The following LMNTD2 variants were observed in gnomAD, a reference collection of about 807,000 sequenced individuals.
The protein encoded by LMNTD2 is lamin tail domain containing 2.
LMNTD2 carries 83 observed loss-of-function variants against 70.1 expected under a neutral mutation model. The observed-to-expected ratio is 1.18, with a 90% confidence interval of 0.99 to 1.42. LMNTD2 has a LOEUF of 1.42. LMNTD2 is among the 40% of genes most tolerant of loss of function. The pLI, the probability that LMNTD2 is intolerant of heterozygous loss-of-function variation, is 0.00. For synonymous variants in LMNTD2, 534 were observed against 406.1 expected, an observed-to-expected ratio of 1.31 and a Z score of -3.79; for missense variants, 1,153 against 905.9, an observed-to-expected ratio of 1.27 and a Z score of -3.50.
chr11:555,929 A>G lies in LMNTD2; in HGVS notation c.1379T>C (p.Val460Ala), dbSNP rs756442734. 1 of 1,558,552 alleles carries G rather than the reference A, an allele frequency of 6.4e-7. No homozygotes were observed. The highest frequency in any genetic ancestry group is 1.4e-5 in the African/African-American group (1 of 70,104). ...ATLLLSPKGEVLSEHRIPRRE... is the reference protein window; with the variant it reads ...ATLLLSPKGEALSEHRIPRRE... Reference sequence around the variant, plus strand: ...GCGTGGGATCCGGTGCTCACTGAGGACCTGCGGGGCGCGTCGGTCACCCCC... The same window carrying G: ...GCGTGGGATCCGGTGCTCACTGAGGGCCTGCGGGGCGCGTCGGTCACCCCC... Residue 460 changes from valine (V) to alanine (A), a missense_variant and splice_region_variant, in exon 12 of 14, where the codon GTC (valine) becomes GCC (alanine). By Grantham distance (64) the Val-to-Ala change is moderately conservative (BLOSUM62 0). Transcript: ENST00000329451.
intron 1 of LMNTD2, 86 bp downstream of exon 1, chr11:560,597 C>G: frequency 7.7e-7 from 1 of 1,297,246 alleles, no homozygotes; most frequent in Non-Finnish European, 9.9e-7. Flanking sequence ...TGCGGGATCT[C>G]AAGCCAGAGA....
chr11:560,221 A>G, intron 1 of LMNTD2: 1 of 816,268 alleles, frequency 1.2e-6, no homozygotes, highest in Non-Finnish European at 1.5e-6. Flanking sequence ...TGGGCAGAAC[A>G]ATCAATGGCC....
chr11:554,979 C>G lies in LMNTD2; in HGVS notation c.*1G>C. 1 of 1,574,134 alleles carries G rather than the reference C, an allele frequency of 6.4e-7. No homozygotes were observed. The highest frequency in any genetic ancestry group is 8.6e-7 in the Non-Finnish European group (1 of 1,163,964). On this transcript the variant is annotated 3_prime_UTR_variant, in exon 14 of 14. Coordinates refer to ENST00000329451, the MANE Select transcript of LMNTD2 (RefSeq NM_173573.3). Reference sequence around the variant, plus strand: ...GCGGTCCCGGCCCCACTCCTCCGCCCCTAGGCGCCGCGGCAGGTGTCCGCG... The same window carrying G: ...GCGGTCCCGGCCCCACTCCTCCGCCGCTAGGCGCCGCGGCAGGTGTCCGCG...
chr11:554,981 T>C lies in LMNTD2; in HGVS notation c.1904A>G (p.Ter635TrpextTer29), dbSNP rs1363720035. 6.3e-7 allele frequency: 1 copy of C among 1,575,012 alleles called. No homozygotes were observed. Residue 635 changes from the stop codon to tryptophan (W), a stop_lost, in exon 14 of 14, where the codon TAG becomes TGG. Coordinates refer to ENST00000329451, the MANE Select transcript of LMNTD2 (RefSeq NM_173573.3). ...GGTCCCGGCCCCACTCCTCCGCCCC[T>C]AGGCGCCGCGGCAGGTGTCCGCGGT... ...PVTADTCRGA[*>W] is the part of the protein sequence containing the mutation.
At position 558,529 on chromosome 11, in the gene LMNTD2, CGGTTGG is replaced by C. The variant is rs980736403; in HGVS notation, c.311+79_311+84del. On this transcript the variant is annotated intron_variant, in intron 3 of 13. Coordinates refer to ENST00000329451, the MANE Select transcript of LMNTD2 (RefSeq NM_173573.3). ...GGATGAGGGTAAGGATCTGCCTCAG[CGGTTGG>C]GGTTGGGGTCAGACAGAAACCAGGA... The C allele has an allele frequency of 1.0e-5, 15 of 1,457,090 alleles. No homozygotes were observed. The African/African-American group carries it at 2.0e-4, about 20-fold the overall frequency. 90.3% of individuals were successfully genotyped at this position (1,457,090 alleles called of 1,614,324 possible).
rs751245029 is a variant in LMNTD2 at position 555,540 on chromosome 11, C to A, written c.1575-37G>T. The A allele has an allele frequency of 3.0e-6, 4 of 1,327,306 alleles. No homozygotes were observed. The African/African-American group carries it at 6.2e-5, about 20-fold the overall frequency. 82.2% of individuals were successfully genotyped at this position (1,327,306 alleles called of 1,614,324 possible). A position where few individuals can be genotyped will look rare whatever the true frequency, so the allele number is the denominator to read the frequency against. On this transcript the variant is annotated intron_variant, in intron 12 of 13. Transcript: ENST00000329451. ...AGGGTCGTGAGGGCGGCGGCCGGCC[C>A]GGGAAAGGCGGCCCTAGAGGGCTCC...
chr11:555,175 A>AGGGGCGGGGC, intron 13 of LMNTD2, 64 bp from the exon 14 acceptor site: 1 of 295,148 alleles, frequency 3.4e-6, no homozygotes, highest in Non-Finnish European at 5.1e-6. Context: ...AGGGGAGGGG[A>AGGGGCGGGGC]GGAGAGGGGA....
chr11:558,616 C>T lies in LMNTD2; in HGVS notation c.309G>A (p.Lys103=), dbSNP rs1238924298. The T allele has an allele frequency of 1.2e-6, 2 of 1,605,148 alleles. No individual in the cohort carries two copies. Among genetic ancestry groups the T allele is most frequent in the African/African-American group, 1.3e-5 (1 of 74,794 alleles). Residue 103 remains lysine, a splice_region_variant and synonymous_variant, in exon 3 of 14, where the codon AAG becomes AAA. Transcript: ENST00000329451. The part of the protein sequence containing the change: ...ILEEVAGLPP[K]RSSHSQEKLL... ...GGGCTGGGGACTGTGCTGCAGACCT[C>T]TTGGGCGGAAGCCCCGCCACCTCTT...
intron 7 of LMNTD2, 126 bp downstream of exon 7, chr11:557,273 C>A: frequency 7.4e-7 from 1 of 1,357,738 alleles, no homozygotes; most frequent in Non-Finnish European, 1.0e-6. Context: ...GATCAGAGAA[C>A]GCGCATTGGA....
rs372333464 is a variant in LMNTD2, at chr11:556,482, C to T, written c.1073+10G>A. The stretch of plus-strand genomic sequence containing the variant: ...TCCGGCGCCGGAGGCTTGGGTCACT[C>T]GCCCCTTACCTCTGCAGGAGTTCCG... On this transcript the variant is annotated intron_variant, in intron 9 of 13. Transcript: ENST00000329451. The T allele has an allele frequency of 6.5e-6, 10 of 1,550,196 alleles. No individual in the cohort carries two copies. The East Asian group carries it at 1.2e-4, about 19-fold the overall frequency.
At chr11:556,461 G>A in intron 9 of LMNTD2, 31 bp downstream of exon 9, 2 of 1,549,204 alleles carry the variant, frequency 1.3e-6, no homozygotes, top group South Asian at 1.2e-5. Flanking sequence ...CTCCAGTCCG[G>A]CGCCGGAGGC....
chr11:558,081 T>G, intron 4 of LMNTD2, 42 bp from the exon 5 acceptor site: 1 of 1,592,798 alleles, frequency 6.3e-7, no homozygotes, highest in Non-Finnish European at 8.5e-7. Context: ...GGGGGTGTCT[T>G]CTGCAGAAGG....
chr11:556,435 C>T, intron 9 of LMNTD2, 57 bp downstream of exon 9: 1 of 1,545,998 alleles, frequency 6.5e-7, no homozygotes. Flanking sequence ...AGCTGCGCGC[C>T]CCGCCCGGAA....
rs1589826377 is a variant in LMNTD2 at position 555,368 on chromosome 11, C to T, written c.1710G>A (p.Ser570=). 1.7e-5 allele frequency: 24 copies of T among 1,411,818 alleles called. No homozygotes were observed. Among genetic ancestry groups the T allele is most frequent in the Non-Finnish European group, 2.2e-5 (24 of 1,085,380 alleles). The allele number at this position is 1,411,818 out of a possible 1,614,324, so 87.5% of individuals were successfully genotyped here. A position where few individuals can be genotyped will look rare whatever the true frequency, so the allele number is the denominator to read the frequency against. ...PAIPGDPTLP[S]PPAEAGLGLE... ...GGCCCAGCCCGGCCTCTGCGGGAGG[C>T]GACGGCAGGGTGGGGTCACCCGGGA... The change falls in exon 13 of 14, where the codon TCG becomes TCA. Residue 570 remains serine (S), a synonymous_variant. Transcript: ENST00000329451.
chr11:555,170 A>AGGGGAGGGGAGGGGC (rs1852734035), intron 13 of LMNTD2, 59 bp from the exon 14 acceptor site: 6 of 202,218 alleles, frequency 3.0e-5, no homozygotes, highest in Admixed American at 1.4e-4. Context: ...AGGGGAGGGG[A>AGGGGAGGGGAGGGGC]GGGGAGGAGA....
rs760705799 is a variant in LMNTD2, at chr11:557,609, C to G, written c.587G>C (p.Ser196Thr). Residue 196 changes from serine (S) to threonine (T), a missense_variant, in exon 6 of 14, where the codon AGC becomes ACC. Physicochemically the swap from Ser to Thr is moderately conservative, Grantham distance 58. Transcript: ENST00000329451. Reference sequence around the variant, plus strand: ...GGCCTGAATGTTTTCAGAGAGGTCGCTTGGGTCCATCAGAGTCTCTGCCGT... The same window carrying G: ...GGCCTGAATGTTTTCAGAGAGGTCGGTTGGGTCCATCAGAGTCTCTGCCGT... Reference protein sequence around the residue: ...VVTAETLMDPSDLSENIQAPT... With the variant: ...VVTAETLMDPTDLSENIQAPT... 12 of 1,613,184 alleles carry G rather than the reference C, an allele frequency of 7.4e-6. No homozygotes were observed. Among genetic ancestry groups the G allele is most frequent in the Non-Finnish European group, 9.3e-6 (11 of 1,179,866 alleles).
chr11:555,951 C>T (rs1331408530), intron 11 of LMNTD2, 21 bp from the exon 12 acceptor site: 1 of 1,556,090 alleles, frequency 6.4e-7, no homozygotes, highest in East Asian at 2.6e-5. Flanking sequence ...CGTCGGTCAC[C>T]CCCACACCCC....
chr11:555,411 G>T lies in LMNTD2; in HGVS notation c.1667C>A (p.Pro556Gln). The change falls in exon 13 of 14, where the codon CCG (proline) becomes CAG (glutamine). Residue 556 changes from proline to glutamine, a missense_variant. By Grantham distance (76) the Pro-to-Gln change is moderately conservative. Transcript: ENST00000329451. ...ACCCGGGATGGCGGGCAGGTGCTGC[G>T]GCGCGGGGATCTCGGGGTTCTCGGG... ...ARPENPEIPAPQHLPAIPGDP... is the reference protein window; with the variant it reads ...ARPENPEIPAQQHLPAIPGDP... 1 of 1,403,346 alleles carries T rather than the reference G, an allele frequency of 7.1e-7. No homozygotes were observed. The allele number at this position is 1,403,346 out of a possible 1,614,324, so 86.9% of individuals were successfully genotyped here. A position where few individuals can be genotyped will look rare whatever the true frequency, so the allele number is the denominator to read the frequency against.
Position 555,934 on chromosome 11 carries a change from C to T in LMNTD2, c.1378-4G>A, listed in dbSNP as rs1377659860. The stretch of plus-strand genomic sequence containing the variant: ...GGATCCGGTGCTCACTGAGGACCTG[C>T]GGGGCGCGTCGGTCACCCCCACACC... On this transcript the variant is annotated splice_polypyrimidine_tract_variant and splice_region_variant and intron_variant, in intron 11 of 13. Coordinates refer to ENST00000329451, the MANE Select transcript of LMNTD2 (RefSeq NM_173573.3). The T allele has an allele frequency of 2.6e-6, 4 of 1,555,380 alleles. No homozygotes were observed. Among genetic ancestry groups the T allele is most frequent in the Middle Eastern group, 2.1e-4 (1 of 4,824 alleles).
Sources: allele counts gnomAD v4.1 joint callset, GRCh38; gene constraint gnomAD v4.1.1; transcripts MANE v1.5; gene names NCBI Gene and HGNC (gene_info 2026-07-23, HGNC 2026-07-21).